QPCTL: variants seen among roughly 807,000 people sequenced by gnomAD.
QPCTL encodes glutaminyl-peptide cyclotransferase-like protein.
In QPCTL, 31 loss-of-function variants were observed where a neutral mutation model predicts 34.6. That is an observed-to-expected ratio of 0.90 (90% CI 0.67 to 1.21). The LOEUF (loss-of-function observed/expected upper bound fraction) is 1.21, where lower values mean the gene tolerates loss of function less well. Among genes scored for constraint, QPCTL ranks in the 50% most tolerant of loss-of-function variants. The probability of loss-of-function intolerance (pLI) is 0.00; values close to 1 mark genes in which losing one functional copy is unlikely to be tolerated. For missense variants in QPCTL, 474 were observed against 507.8 expected, an observed-to-expected ratio of 0.93 and a Z score of 0.64; for synonymous variants, 223 against 226.9, an observed-to-expected ratio of 0.98 and a Z score of 0.15.
At chr19:45,698,354 TG>T in intron 3 of QPCTL, 192 bp from the exon 4 acceptor site, 1 of 615,504 alleles carries the variant, frequency 1.6e-6, no homozygotes, top group Non-Finnish European at 2.7e-6. Flanking sequence ...ATGCCTGCTT[TG>T]TTATGAAGCA....
chr19:45,694,900 G>A (rs1234314048), intron 2 of QPCTL, among the ~76,000 whole-genome samples: 3 of 152,154 alleles, frequency 2.0e-5, no homozygotes, highest in Non-Finnish European at 2.9e-5. Flanking sequence ...AGGGTAAGCT[G>A]TGATGAGTCT....
chr19:45,701,994 C>T, intron 6 of QPCTL, 80 bp downstream of exon 6: 1 of 1,186,248 alleles, frequency 8.4e-7, no homozygotes, highest in Non-Finnish European at 1.2e-6. Flanking sequence ...CTTCCCAGGG[C>T]TGGGGAATGG....
chr19:45,700,746 G>T (rs1461609759), intron 5 of QPCTL, among the ~76,000 whole-genome samples: 7 of 151,874 alleles, frequency 4.6e-5, no homozygotes, highest in Admixed American at 1.3e-4. Context: ...GAATCACAAG[G>T]TCAGCAGTTC....
chr19:45,699,097 G>T (rs1967763675), intron 5 of QPCTL, among the ~76,000 whole-genome samples, 197 bp downstream of exon 5: 1 of 141,666 alleles, frequency 7.1e-6, no homozygotes. Context: ...GCAGTGGCAT[G>T]ATCTTGGCTC....
intron 3 of QPCTL, among the ~76,000 whole-genome samples, chr19:45,697,815 T>C (rs933759739): frequency 3.9e-5 from 6 of 152,214 alleles, no homozygotes; most frequent in Non-Finnish European, 7.3e-5. Context: ...CATTTCACTG[T>C]TTGTATAATT....
rs199625613 is a variant in QPCTL, at chr19:45,698,885, C to A, written c.871C>A (p.Arg291=). Residue 291 remains arginine (R), a synonymous_variant, in exon 5 of 7, where the codon CGG becomes AGG. Transcript: ENST00000012049. ...CCCTCGCACGGTCCGCTGGTTCCAT[C>A]GGCTGAGGAGCATTGGTAAGGGTGA... ...HFPRTVRWFH[R]LRSIEKRLHR... 5 of 1,613,760 alleles carry A rather than the reference C, an allele frequency of 3.1e-6. No homozygotes were observed. Among genetic ancestry groups the A allele is most frequent in the Admixed American group, 3.3e-5 (2 of 59,986 alleles).
At chr19:45,700,207 G>T (rs1967783268) in intron 5 of QPCTL, among the ~76,000 whole-genome samples, 1 of 152,076 alleles carries the variant, frequency 6.6e-6, no homozygotes, top group Non-Finnish European at 1.5e-5. Context: ...AATACTTTGG[G>T]AGACTAAGGT....
intron 3 of QPCTL, among the ~76,000 whole-genome samples, chr19:45,695,949 C>T (rs959672184): frequency 1.3e-5 from 2 of 151,848 alleles, no homozygotes; most frequent in African/African-American, 4.8e-5. Flanking sequence ...TGGGTTCAAG[C>T]AATTCTCCTC....
intron 3 of QPCTL, among the ~76,000 whole-genome samples, chr19:45,695,923 C>G (rs576548824): frequency 1.4e-4 from 21 of 152,028 alleles, no homozygotes; most frequent in African/African-American, 5.1e-4. Flanking sequence ...CTTGGCTCCC[C>G]GCAACCTCTG....
chr19:45,692,806 C>A lies in QPCTL; in HGVS notation c.103C>A (p.Leu35Ile). The A allele has an allele frequency of 6.3e-7, 1 of 1,579,888 alleles. No homozygotes were observed. The highest frequency in any genetic ancestry group is 2.3e-5 in the East Asian group (1 of 43,332). The change falls in exon 1 of 7, where the codon CTC becomes ATC. Residue 35 changes from leucine (L) to isoleucine (I), a missense_variant. By Grantham distance (5) the Leu-to-Ile change is conservative (BLOSUM62 2). Transcript: ENST00000012049. ...GCGCCGCCTGCTACCGCGGGTTCGG[C>A]TCTTGCCTCTGTTGCTGGCGCTGGC... ...PKRRLLPRVR[L>I]LPLLLALAVG... is the part of the protein sequence containing the mutation.
At chr19:45,700,198 A>G (rs1347191749) in intron 5 of QPCTL, among the ~76,000 whole-genome samples, 1 of 152,002 alleles carries the variant, frequency 6.6e-6, no homozygotes, top group Admixed American at 6.6e-5. Context: ...TGTAATCCCA[A>G]TACTTTGGGA....
chr19:45,695,429 G>C lies in QPCTL; in HGVS notation c.352-8G>C. The C allele has an allele frequency of 6.8e-7, 1 of 1,470,360 alleles. No individual in the cohort carries two copies. Among genetic ancestry groups the C allele is most frequent in the South Asian group, 1.1e-5 (1 of 88,890 alleles). The allele number at this position is 1,470,360 out of a possible 1,614,324, so 91.1% of individuals were successfully genotyped here. On this transcript the variant is annotated splice_region_variant and splice_polypyrimidine_tract_variant and intron_variant, in intron 2 of 6. Transcript: ENST00000012049. ...CCGTCCACCCTCCCACCTCTCTCTTGCCGCTAGTTCCTGGAGGCCACGCTG... is the reference window on the plus strand; with the variant it reads ...CCGTCCACCCTCCCACCTCTCTCTTCCCGCTAGTTCCTGGAGGCCACGCTG...
At position 45,693,019 on chromosome 19, in the gene QPCTL, C is replaced by G. The variant is rs141397409; in HGVS notation, c.207+109C>G. On this transcript the variant is annotated intron_variant, in intron 1 of 6. Transcript: ENST00000012049. The stretch of plus-strand genomic sequence containing the variant: ...CGGCCCTAACCGCAGATGCCACCGT[C>G]TTCGTCATCTGAGCGCATGACCCTT... 6.8e-4 allele frequency: 780 copies of G among 1,146,084 alleles called. 11 individuals carry two copies. In the African/African-American group the frequency reaches 0.01, roughly 15 times the overall value. 71.0% of individuals were successfully genotyped at this position (1,146,084 alleles called of 1,614,324 possible).
chr19:45,701,002 C>G (rs1967800162), intron 5 of QPCTL, among the ~76,000 whole-genome samples: 1 of 150,666 alleles, frequency 6.6e-6, no homozygotes, highest in Non-Finnish European at 1.5e-5. Flanking sequence ...GACATAGTGG[C>G]TCATGCCTGT....
intron 5 of QPCTL, among the ~76,000 whole-genome samples, chr19:45,699,748 G>C (rs1967773851): frequency 6.6e-6 from 1 of 151,528 alleles, no homozygotes; most frequent in Non-Finnish European, 1.5e-5. Flanking sequence ...CTGGCCAACA[G>C]GGCGAAACCC....
intron 5 of QPCTL, among the ~76,000 whole-genome samples, 164 bp downstream of exon 5, chr19:45,699,064 C>T (rs1202231374): frequency 5.1e-5 from 7 of 137,094 alleles, no homozygotes; most frequent in East Asian, 4.5e-4. Flanking sequence ...GATGGAGTCT[C>T]GCTCTGTCAC....
intron 5 of QPCTL, among the ~76,000 whole-genome samples, chr19:45,700,377 C>T (rs946464309): frequency 6.7e-6 from 1 of 150,058 alleles, no homozygotes; most frequent in Non-Finnish European, 1.5e-5. Context: ...CCTGGGAGCA[C>T]AGGTTGCAGT....
At chr19:45,695,339 T>C in intron 2 of QPCTL, 98 bp from the exon 3 acceptor site, 1 of 1,108,274 alleles carries the variant, frequency 9.0e-7, no homozygotes, top group Non-Finnish European at 1.3e-6. Flanking sequence ...GGGGCTTTAG[T>C]GTCAACCCAT....
At chr19:45,699,931 C>CA (rs35011463) in intron 5 of QPCTL, among the ~76,000 whole-genome samples, 62,945 of 89,886 alleles carry the variant, frequency 0.7, 21,934 homozygotes, top group Middle Eastern at 0.81. Context: ...GACTCCATCT[C>CA]AAAAAAAAAA....
Sources: gnomAD v4.1 joint callset for allele counts (sites outside exome capture counted in the v4.1 genomes callset) on GRCh38, gnomAD v4.1.1 for gene constraint, MANE v1.5 for transcripts, NCBI Gene and HGNC (gene_info 2026-07-23, HGNC 2026-07-21) for gene names.